The following GABBR2 variants were observed in gnomAD, a reference collection of about 807,000 sequenced individuals.
GABBR2 encodes gamma-aminobutyric acid type B receptor subunit 2, also known as G-protein coupled receptor 51.
In GABBR2, 23 loss-of-function variants were observed where a neutral mutation model predicts 105.6. The observed-to-expected ratio is 0.22, with a 90% CI of 0.16 to 0.31. The LOEUF is 0.31. GABBR2 is among the 10% of genes least tolerant of loss of function. The pLI, the probability that GABBR2 is intolerant of heterozygous loss-of-function variation, is 1.00. For synonymous variants in GABBR2, 478 were observed against 499.7 expected (o/e 0.96, Z 0.58); for missense variants, 734 against 1,245.5 (o/e 0.59, Z 6.18).
chr9:98,567,901 T>C (rs1828773791), intron 2 of GABBR2, among the ~76,000 whole-genome samples: 1 of 152,120 alleles, frequency 6.6e-6, no homozygotes. Flanking sequence ...TGTTGGGTGG[T>C]GGATTTGCAC....
At chr9:98,309,462 T>C (rs1039461848) in intron 14 of GABBR2, among the ~76,000 whole-genome samples, 1 of 152,364 alleles carries the variant, frequency 6.6e-6, no homozygotes. Flanking sequence ...TGACATGACA[T>C]GCTTTCCCAT....
rs1830255475 is a variant in GABBR2, at chr9:98,289,566, C to T, written c.*1018G>A. On this transcript the variant is annotated 3_prime_UTR_variant, in exon 19 of 19. Coordinates refer to ENST00000259455, the MANE Select transcript of GABBR2 (RefSeq NM_005458.8). Reference sequence around the variant, plus strand: ...GAAGCCCTCAGCCAGCAACTCTCTCCCCTATGTCTACGGGGATGTCTTTTA... The same window carrying T: ...GAAGCCCTCAGCCAGCAACTCTCTCTCCTATGTCTACGGGGATGTCTTTTA... 1 of 152,506 alleles carries T rather than the reference C, an allele frequency of 6.6e-6. No individual in the cohort carries two copies. Among genetic ancestry groups the T allele is most frequent in the South Asian group, 2.1e-4 (1 of 4,814 alleles). 9.4% of individuals were successfully genotyped at this position (152,506 alleles called of 1,614,324 possible).
intron 1 of GABBR2, among the ~76,000 whole-genome samples, chr9:98,688,022 T>C (rs1830641345): frequency 6.6e-6 from 1 of 152,140 alleles, no homozygotes; most frequent in Admixed American, 6.5e-5. Flanking sequence ...GCCAGGGTAG[T>C]CTGAATTTAC....
At chr9:98,542,801 C>A (rs1828329202) in intron 2 of GABBR2, among the ~76,000 whole-genome samples, 1 of 152,142 alleles carries the variant, frequency 6.6e-6, no homozygotes, top group Non-Finnish European at 1.5e-5. Flanking sequence ...CCAAATAAAA[C>A]CCTGAATCAT....
intron 1 of GABBR2, among the ~76,000 whole-genome samples, chr9:98,642,865 GCT>G (rs1009621872): frequency 2.0e-5 from 3 of 152,098 alleles, no homozygotes; most frequent in African/African-American, 7.2e-5. Context: ...CTGCTCCTCT[GCT>G]CTGTTCTCTG....
chr9:98,663,446 A>C (rs1282085121), intron 1 of GABBR2, among the ~76,000 whole-genome samples: 3 of 152,288 alleles, frequency 2.0e-5, no homozygotes, highest in Admixed American at 6.5e-5. Flanking sequence ...TTCACTGTCA[A>C]AAGCAAGGTG....
intron 11 of GABBR2, among the ~76,000 whole-genome samples, chr9:98,381,298 G>A (rs147739283): frequency 6.6e-6 from 1 of 152,214 alleles, no homozygotes; most frequent in African/African-American, 2.4e-5. Flanking sequence ...GGTGGCAGTC[G>A]AATGCAGGCT....
chr9:98,678,468 A>G (rs528714312), intron 1 of GABBR2, among the ~76,000 whole-genome samples: 2 of 152,312 alleles, frequency 1.3e-5, no homozygotes, highest in South Asian at 4.1e-4. Context: ...AGCTGGCAGA[A>G]TCTTGAGGTT....
chr9:98,498,619 G>A (rs1301011299), intron 3 of GABBR2, among the ~76,000 whole-genome samples: 1 of 152,212 alleles, frequency 6.6e-6, no homozygotes, highest in Admixed American at 6.5e-5. Context: ...TGGCTAGCAA[G>A]TCCTTGGGTG....
In GABBR2 at chr9:98,318,910, TG is replaced by T. The variant is rs1456441561; in HGVS notation, c.1894-7706del. ...GTGAGTTTGTGTGTGTGTGTGTGTG[TG>T]TGTTGGGGGTGTGTGTGTGTGTGTG... On this transcript the variant is annotated intron_variant, in intron 13 of 18. Coordinates refer to ENST00000259455, the MANE Select transcript of GABBR2 (RefSeq NM_005458.8). Among the ~76,000 whole-genome samples, 915 of 132,070 alleles carry T rather than the reference TG, an allele frequency of 6.9e-3. 3 individuals carry two copies. Among genetic ancestry groups the T allele is most frequent in the South Asian group, 0.017 (67 of 3,902 alleles). 86.6% of individuals were successfully genotyped at this position (132,070 alleles called of 152,430 possible).
chr9:98,502,895 C>G (rs1827432701), intron 3 of GABBR2, among the ~76,000 whole-genome samples: 1 of 152,234 alleles, frequency 6.6e-6, no homozygotes, highest in Admixed American at 6.5e-5. Flanking sequence ...TTGTCCCTAC[C>G]AGTCCCACTA....
At chr9:98,344,210 G>C (rs1831263987) in intron 13 of GABBR2, among the ~76,000 whole-genome samples, 1 of 151,950 alleles carries the variant, frequency 6.6e-6, no homozygotes, top group African/African-American at 2.4e-5. Flanking sequence ...CCATCCATAA[G>C]CTGCCCCATC....
rs763131137 is a variant in GABBR2 at position 98,303,214 on chromosome 9, C to T, written c.2412+27G>A. 1.4e-5 allele frequency: 23 copies of T among 1,602,886 alleles called. No homozygotes were observed. The Admixed American group carries it at 3.7e-4, about 26-fold the overall frequency. Reference sequence around the variant, plus strand: ...GAGGGGCTTCAGTGGCAGACAGGGCCCAGCTACCAGATGCAGAGGGAGGTA... The same window carrying T: ...GAGGGGCTTCAGTGGCAGACAGGGCTCAGCTACCAGATGCAGAGGGAGGTA... On this transcript the variant is annotated intron_variant, in intron 16 of 18. Coordinates refer to ENST00000259455, the MANE Select transcript of GABBR2 (RefSeq NM_005458.8).
intron 7 of GABBR2, among the ~76,000 whole-genome samples, chr9:98,452,372 A>G (rs189671538): frequency 1.1e-4 from 17 of 152,322 alleles, no homozygotes; most frequent in African/African-American, 4.1e-4. Context: ...AGACAGTGAC[A>G]AATAACTACC....
chr9:98,595,131 A>G (rs887469161), intron 1 of GABBR2, among the ~76,000 whole-genome samples: 12 of 152,176 alleles, frequency 7.9e-5, no homozygotes, highest in African/African-American at 2.9e-4. Flanking sequence ...GAGGCCAGAA[A>G]GTTTGAGATC....
At chr9:98,702,105 A>G (rs1312613565) in intron 1 of GABBR2, among the ~76,000 whole-genome samples, 2 of 152,128 alleles carry the variant, frequency 1.3e-5, no homozygotes, top group African/African-American at 2.4e-5. Flanking sequence ...CCCCAAGGTC[A>G]CCAAGCAGGT....
intron 4 of GABBR2, among the ~76,000 whole-genome samples, chr9:98,491,027 G>A (rs1049207039): frequency 6.6e-6 from 1 of 151,746 alleles, no homozygotes; most frequent in Non-Finnish European, 1.5e-5. Context: ...AACTGTCCAA[G>A]AGTGAGAGAG....
At chr9:98,487,358 G>T (rs908303644) in intron 4 of GABBR2, among the ~76,000 whole-genome samples, 1 of 152,092 alleles carries the variant, frequency 6.6e-6, no homozygotes, top group Non-Finnish European at 1.5e-5. Context: ...ATTCCCTAAG[G>T]ACTTTTTTTT....
intron 7 of GABBR2, among the ~76,000 whole-genome samples, chr9:98,406,556 T>C (rs1350791796): frequency 6.6e-6 from 1 of 152,252 alleles, no homozygotes; most frequent in Non-Finnish European, 1.5e-5. Context: ...TACGGGGTAT[T>C]GCTGAGTCTG....
Sources: gnomAD v4.1 joint callset for allele counts (sites outside exome capture counted in the v4.1 genomes callset) on GRCh38, gnomAD v4.1.1 for gene constraint, MANE v1.5 for transcripts, NCBI Gene and HGNC (gene_info 2026-07-23, HGNC 2026-07-21) for gene names.